NBAS: variants seen among roughly 807,000 people sequenced by gnomAD.
NBAS encodes NAG/BC035112 fusion.
A neutral mutation model predicts 302.5 loss-of-function variants in NBAS; 219 were observed. The observed-to-expected ratio is 0.72, with a 90% CI of 0.65 to 0.81. NBAS has a LOEUF of 0.81. Ranked by LOEUF, NBAS falls within the 30% of genes least tolerant of loss-of-function variation. The pLI, the probability that NBAS is intolerant of heterozygous loss-of-function variation, is 0.00. For synonymous variants in NBAS, 1,118 were observed against 1,021.6 expected, an observed-to-expected ratio of 1.09 and a Z score of -1.80; for missense variants, 2,932 against 2,841.6, an observed-to-expected ratio of 1.03 and a Z score of -0.72.
chr2:15,186,749 G>C lies in NBAS; in HGVS notation c.6704C>G (p.Pro2235Arg). 2 of 1,613,752 alleles carry C rather than the reference G, an allele frequency of 1.2e-6. No homozygotes were observed. Among genetic ancestry groups the C allele is most frequent in the Non-Finnish European group, 1.7e-6 (2 of 1,179,908 alleles). The change falls in exon 50 of 52, where the codon CCT becomes CGT. Residue 2235 changes from proline to arginine, a missense_variant. Physicochemically the swap from Pro to Arg is moderately radical, Grantham distance 103. Transcript: ENST00000281513. Reference sequence around the variant, plus strand: ...CTCAAAATATCCACTCACCTCTGCAGGCAGCATCTGCTTGGTGTTATACAA... The same window carrying C: ...CTCAAAATATCCACTCACCTCTGCACGCAGCATCTGCTTGGTGTTATACAA... ...RSLYNTKQML[P>R]AEGVKELCLL...
chr2:15,520,738 T>G (rs991408101), intron 9 of NBAS, among the ~76,000 whole-genome samples: 9 of 152,188 alleles, frequency 5.9e-5, no homozygotes, highest in Admixed American at 4.6e-4. Flanking sequence ...CTTTTGAGGT[T>G]TTTTTCAACA....
At position 15,222,259 on chromosome 2, in the gene NBAS, C is replaced by T. The variant is rs189642138; in HGVS notation, c.6237-3291G>A. 3.4e-3 allele frequency among the ~76,000 whole-genome samples: 520 copies of T among 152,242 alleles called. 2 individuals are homozygous for T. The highest frequency in any genetic ancestry group is 7.1e-3 in the Admixed American group (108 of 15,302). The stretch of plus-strand genomic sequence containing the variant: ...GATTAGAAAAATGTATGGGCTGGGG[C>T]AGACTCAGGCACTTTTGATGAAGGC... On this transcript the variant is annotated intron_variant, in intron 47 of 51. Transcript: ENST00000281513.
chr2:15,554,863 A>G (rs952725041), intron 3 of NBAS, among the ~76,000 whole-genome samples: 1 of 152,026 alleles, frequency 6.6e-6, no homozygotes, highest in Non-Finnish European at 1.5e-5. Flanking sequence ...TCAGATTACA[A>G]TTTCACTTTA....
At chr2:15,239,482 T>C (rs1035764246) in intron 44 of NBAS, among the ~76,000 whole-genome samples, 4 of 151,478 alleles carry the variant, frequency 2.6e-5, no homozygotes, top group Non-Finnish European at 5.9e-5. Context: ...AGATTTTTTT[T>C]GGATTTTGGA....
intron 26 of NBAS, among the ~76,000 whole-genome samples, chr2:15,399,269 A>T (rs1180743195): frequency 6.6e-6 from 1 of 152,118 alleles, no homozygotes; most frequent in Non-Finnish European, 1.5e-5. Flanking sequence ...CAGAGGAATC[A>T]TAAGGTTCCC....
At chr2:15,369,169 A>G (rs1332604410) in intron 31 of NBAS, among the ~76,000 whole-genome samples, 2 of 152,176 alleles carry the variant, frequency 1.3e-5, no homozygotes, top group Non-Finnish European at 2.9e-5. Context: ...TGCATTCCAC[A>G]TATGTAAAAA....
intron 44 of NBAS, among the ~76,000 whole-genome samples, chr2:15,239,944 A>T (rs1028774866): frequency 5.9e-5 from 9 of 152,138 alleles, no homozygotes; most frequent in Non-Finnish European, 1.3e-4. Flanking sequence ...AGAATACAAA[A>T]CTAAGTCTAA....
At chr2:15,012,377 A>C in the NBAS span, among the ~76,000 whole-genome samples, 2 of 152,132 alleles carry the variant, frequency 1.3e-5, no homozygotes, top group African/African-American at 4.8e-5. Flanking sequence ...AAGAATAAAA[A>C]AGAAAAGAAA....
In NBAS at chr2:15,470,228, C is replaced by A. The variant is rs577524950; in HGVS notation, c.1726-1695G>T. Among the ~76,000 whole-genome samples, 8 of 152,254 alleles carry A rather than the reference C, an allele frequency of 5.3e-5. No homozygotes were observed. In the East Asian group the frequency reaches 1.4e-3, roughly 26 times the overall value. The stretch of plus-strand genomic sequence containing the variant: ...TCTAGCACACTGTAGGAGTCCCCTG[C>A]CCCAAGCAAGGTTTCCTACCTTCCT... On this transcript the variant is annotated intron_variant, in intron 16 of 51. Coordinates refer to ENST00000281513, the MANE Select transcript of NBAS (RefSeq NM_015909.4).
At chr2:15,359,859 G>A (rs1673809551) in intron 32 of NBAS, among the ~76,000 whole-genome samples, 1 of 152,052 alleles carries the variant, frequency 6.6e-6, no homozygotes, top group Non-Finnish European at 1.5e-5. Flanking sequence ...TTAACAAGAG[G>A]AATACATTCT....
intron 48 of NBAS, among the ~76,000 whole-genome samples, chr2:15,195,865 C>T (rs1218264059): frequency 6.6e-6 from 1 of 152,172 alleles, no homozygotes. Flanking sequence ...AGCATGCGTA[C>T]AACTCTAGTA....
Position 15,427,796 on chromosome 2 carries a change from T to C in NBAS, c.2340-2A>G, listed in dbSNP as rs1677552802. On this transcript the variant is annotated splice_acceptor_variant, in intron 21 of 51. Coordinates refer to ENST00000281513, the MANE Select transcript of NBAS (RefSeq NM_015909.4). LOFTEE classifies it high-confidence loss of function. Reference sequence around the variant, plus strand: ...ATCATCAGGGAGTCACCGTTAAAACTCAAATTTAAAAAAAAATAAGTGTTT... The same window carrying C: ...ATCATCAGGGAGTCACCGTTAAAACCCAAATTTAAAAAAAAATAAGTGTTT... 9 of 1,607,270 alleles carry C rather than the reference T, an allele frequency of 5.6e-6. No individual in the cohort carries two copies. Among genetic ancestry groups the C allele is most frequent in the Non-Finnish European group, 7.7e-6 (9 of 1,175,632 alleles).
intron 35 of NBAS, among the ~76,000 whole-genome samples, chr2:15,351,112 T>C (rs906714201): frequency 2.0e-5 from 3 of 152,160 alleles, no homozygotes; most frequent in Non-Finnish European, 2.9e-5. Context: ...ATGAATAAAC[T>C]GTACTATGCA....
chr2:15,010,243 C>A, the NBAS span, among the ~76,000 whole-genome samples: 5 of 152,070 alleles, frequency 3.3e-5, no homozygotes, highest in Admixed American at 2.6e-4. Context: ...ACCCAGGAAG[C>A]ACATTTTTGG....
chr2:15,539,150 A>C (rs1663669921), intron 7 of NBAS, 73 bp downstream of exon 7: 5 of 1,583,696 alleles, frequency 3.2e-6, no homozygotes, highest in Non-Finnish European at 3.5e-6. Flanking sequence ...CCCCCTTCAC[A>C]CTCTTTTATT....
At chr2:15,484,437 T>C (rs1159973434) in intron 12 of NBAS, among the ~76,000 whole-genome samples, 1 of 152,188 alleles carries the variant, frequency 6.6e-6, no homozygotes, top group Non-Finnish European at 1.5e-5. Context: ...CCCACCCATT[T>C]ATGCCTAGTG....
the NBAS span, among the ~76,000 whole-genome samples, chr2:14,973,466 C>T: frequency 1.3e-5 from 2 of 152,102 alleles, no homozygotes; most frequent in African/African-American, 4.8e-5. Flanking sequence ...ATGCATTCCA[C>T]CTGACTCAAA....
At chr2:15,368,191 CTTTTTTTTT>C (rs1197291033) in intron 31 of NBAS, among the ~76,000 whole-genome samples, 2 of 84,890 alleles carry the variant, frequency 2.4e-5, no homozygotes, top group African/African-American at 5.5e-5. Context: ...AATGTTTTGA[CTTTTTTTTT>C]TTTTTTTTTT....
At chr2:15,136,717 T>C in the NBAS span, among the ~76,000 whole-genome samples, 1,783 of 152,304 alleles carry the variant, frequency 0.012, 29 homozygotes, top group African/African-American at 0.036. Flanking sequence ...TCAGCTTGAA[T>C]TGTAGTTCCC....
Sources: gnomAD v4.1 joint callset for allele counts (sites outside exome capture counted in the v4.1 genomes callset) on GRCh38, gnomAD v4.1.1 for gene constraint, MANE v1.5 for transcripts, NCBI Gene and HGNC (gene_info 2026-07-23, HGNC 2026-07-21) for gene names.